The following ZNF600 variants were observed in gnomAD, a reference collection of about 807,000 sequenced individuals.
ZNF600 encodes the protein zinc finger protein KR-ZNF1.
ZNF600 carries 4 observed loss-of-function variants against 7.3 expected under a neutral mutation model. The ratio of observed to expected loss-of-function variants is 0.55; its 90% CI spans 0.27 to 1.25. ZNF600 has a LOEUF of 1.25. Among genes scored for constraint, ZNF600 ranks in the 50% most tolerant of loss-of-function variants. The pLI is 0.12. For synonymous variants in ZNF600, 290 were observed against 308.9 expected, an observed-to-expected ratio of 0.94 and a Z score of 0.64; for missense variants, 911 against 922.1, an observed-to-expected ratio of 0.99 and a Z score of 0.16.
At chr19:52,769,659 C>A (rs1281328168) in intron 3 of ZNF600, among the ~76,000 whole-genome samples, 1 of 152,158 alleles carries the variant, frequency 6.6e-6, no homozygotes, top group Non-Finnish European at 1.5e-5. Flanking sequence ...ATCTCTTTGT[C>A]TTGTGTATTT....
chr19:52,772,886 C>G (rs1038080588), intron 3 of ZNF600, among the ~76,000 whole-genome samples: 1 of 152,136 alleles, frequency 6.6e-6, no homozygotes, highest in Non-Finnish European at 1.5e-5. Context: ...GACACAAGCG[C>G]TGAGCTGCGC....
intron 1 of ZNF600, chr19:52,780,703 C>G (rs544337393): frequency 1.2e-4 from 18 of 152,226 alleles, no homozygotes; most frequent in African/African-American, 4.3e-4. Context: ...ACTCCAGCCT[C>G]AGCCACAAGA....
the ZNF600 span, among the ~76,000 whole-genome samples, chr19:52,795,621 T>G: frequency 6.6e-6 from 1 of 152,172 alleles, no homozygotes; most frequent in African/African-American, 2.4e-5. Context: ...AGCTGGAGTG[T>G]AGGTGCGCCA....
the ZNF600 span, among the ~76,000 whole-genome samples, chr19:52,804,620 C>T: frequency 6.6e-6 from 1 of 152,172 alleles, no homozygotes; most frequent in Non-Finnish European, 1.5e-5. Flanking sequence ...ATCAACCGAT[C>T]GCAGTCTCCC....
chr19:52,804,791 C>T, the ZNF600 span, among the ~76,000 whole-genome samples: 1 of 152,208 alleles, frequency 6.6e-6, no homozygotes, highest in East Asian at 1.9e-4. Context: ...AAAAGTGAGA[C>T]ATCACAGCTG....
At chr19:52,797,825 A>G in the ZNF600 span, 1 of 152,236 alleles carries the variant, frequency 6.6e-6, no homozygotes, top group African/African-American at 2.4e-5. Context: ...ACTTTTTGTT[A>G]AAGAAACAAA....
chr19:52,774,307 T>C (rs1319009866), intron 3 of ZNF600, among the ~76,000 whole-genome samples: 1 of 151,894 alleles, frequency 6.6e-6, no homozygotes, highest in Non-Finnish European at 1.5e-5. Context: ...CACATGCCTG[T>C]AATCCCAGCT....
chr19:52,781,762 TAAA>T (rs57635477), intron 1 of ZNF600, among the ~76,000 whole-genome samples: 14 of 142,514 alleles, frequency 9.8e-5, no homozygotes, highest in African/African-American at 3.6e-4. Flanking sequence ...CACTCTATCT[TAAA>T]AAAAAAAAAA....
At chr19:52,775,518 T>C (rs2062667597) in intron 2 of ZNF600, among the ~76,000 whole-genome samples, 1 of 151,940 alleles carries the variant, frequency 6.6e-6, no homozygotes, top group Non-Finnish European at 1.5e-5. Flanking sequence ...CCACTGCACT[T>C]TAGCCTGGCA....
chr19:52,786,686 G>T (rs529473491), exon 1 of ZNF600: 122 of 244,742 alleles, frequency 5.0e-4, no homozygotes, highest in South Asian at 1.6e-3. Context: ...GAAGCGCCGG[G>T]GACCTGGGAA....
chr19:52,783,753 C>T (rs941764249), intron 1 of ZNF600, among the ~76,000 whole-genome samples: 8 of 152,064 alleles, frequency 5.3e-5, no homozygotes, highest in Admixed American at 2.6e-4. Flanking sequence ...TCATTTTATG[C>T]CCCTCTCCTG....
At chr19:52,773,198 G>C (rs1384621193) in intron 3 of ZNF600, among the ~76,000 whole-genome samples, 5 of 152,206 alleles carry the variant, frequency 3.3e-5, no homozygotes, top group African/African-American at 1.2e-4. Flanking sequence ...CTTTGTGCAT[G>C]CATGTCTGTG....
chr19:52,780,648 A>G (rs2062712980), intron 1 of ZNF600: 1 of 152,142 alleles, frequency 6.6e-6, no homozygotes. Flanking sequence ...GAATCCCTTG[A>G]TCCCAGGAGT....
chr19:52,817,127 C>A, the ZNF600 span, among the ~76,000 whole-genome samples: 1 of 152,264 alleles, frequency 6.6e-6, no homozygotes, highest in East Asian at 1.9e-4. Flanking sequence ...AATCCCAGCA[C>A]TTTAGGAAGC....
At chr19:52,776,574 T>A (rs999061600) in intron 2 of ZNF600, among the ~76,000 whole-genome samples, 1 of 152,038 alleles carries the variant, frequency 6.6e-6, no homozygotes. Flanking sequence ...ACTGCGTCCA[T>A]CTAATTTTTG....
At chr19:52,773,091 C>A (rs1236509433) in intron 3 of ZNF600, among the ~76,000 whole-genome samples, 1 of 151,118 alleles carries the variant, frequency 6.6e-6, no homozygotes, top group Non-Finnish European at 1.5e-5. Flanking sequence ...AGTCAATAGG[C>A]TGGTATTTGC....
chr19:52,780,478 G>A (rs2062711343), intron 1 of ZNF600, among the ~76,000 whole-genome samples, 103 bp downstream of exon 3: 1 of 152,170 alleles, frequency 6.6e-6, no homozygotes, highest in South Asian at 2.1e-4. Context: ...CAGTGGGGCT[G>A]GAACAGTGGA....
intron 1 of ZNF600, among the ~76,000 whole-genome samples, chr19:52,785,385 G>C (rs1381201173): frequency 1.3e-5 from 2 of 151,932 alleles, no homozygotes; most frequent in Non-Finnish European, 2.9e-5. Context: ...TAGTAGCTGG[G>C]ATTACAGGCA....
At chr19:52,792,192 A>G in the ZNF600 span, among the ~76,000 whole-genome samples, 189 of 152,328 alleles carry the variant, frequency 1.2e-3, 1 homozygote, top group African/African-American at 4.4e-3. Flanking sequence ...GGATCCAGAC[A>G]GTGGATGGCA....
Sources: gnomAD v4.1 joint callset for allele counts (sites outside exome capture counted in the v4.1 genomes callset) on GRCh38, gnomAD v4.1.1 for gene constraint, MANE v1.5 for transcripts, NCBI Gene and HGNC (gene_info 2026-07-23, HGNC 2026-07-21) for gene names.